NCKAP1: variants seen among roughly 807,000 people sequenced by gnomAD.
The protein encoded by NCKAP1 is nck-associated protein 1.
A neutral mutation model predicts 151.2 loss-of-function variants in NCKAP1; 21 were observed. The ratio of observed to expected loss-of-function variants is 0.14; its 90% CI spans 0.10 to 0.20. The LOEUF (loss-of-function observed/expected upper bound fraction) is 0.20, where lower values mean the gene tolerates loss of function less well. Ranked by LOEUF, NCKAP1 falls within the 10% of genes least tolerant of loss-of-function variation. The probability of loss-of-function intolerance (pLI) is 1.00; values close to 1 mark genes in which losing one functional copy is unlikely to be tolerated. For missense variants in NCKAP1, 933 were observed against 1,352.1 expected, an observed-to-expected ratio of 0.69 and a Z score of 4.86; for synonymous variants, 484 against 451.8, an observed-to-expected ratio of 1.07 and a Z score of -0.90.
intron 23 of NCKAP1, among the ~76,000 whole-genome samples, chr2:182,947,693 C>G (rs1044597058): frequency 2.6e-5 from 4 of 152,066 alleles, no homozygotes; most frequent in Non-Finnish European, 4.4e-5. Context: ...TCTGTAAGTT[C>G]TTTTGTTCCT....
intron 8 of NCKAP1, among the ~76,000 whole-genome samples, chr2:182,991,625 C>A (rs891385295): frequency 4.6e-5 from 7 of 151,068 alleles, no homozygotes; most frequent in African/African-American, 1.5e-4. Context: ...TTAAACTACA[C>A]ATCAATCTCC....
intron 1 of NCKAP1, among the ~76,000 whole-genome samples, chr2:183,026,919 T>C (rs1326609541): frequency 6.6e-6 from 1 of 152,244 alleles, no homozygotes; most frequent in Non-Finnish European, 1.5e-5. Flanking sequence ...ATAGTAATCA[T>C]AGTAACAGTC....
intron 2 of NCKAP1, among the ~76,000 whole-genome samples, chr2:183,015,888 A>C (rs954179501): frequency 6.6e-6 from 1 of 151,990 alleles, no homozygotes; most frequent in Non-Finnish European, 1.5e-5. Context: ...TAAAAAAAAA[A>C]AACTATATTA....
intron 23 of NCKAP1, among the ~76,000 whole-genome samples, chr2:182,951,305 A>G (rs1217960097): frequency 6.6e-6 from 1 of 152,148 alleles, no homozygotes; most frequent in African/African-American, 2.4e-5. Context: ...CAGATTAACC[A>G]CATTTAGAAC....
rs1018624589 is a variant in NCKAP1, at chr2:182,911,824, A to G, written c.*13878T>C. 8 of 151,900 alleles carry G rather than the reference A, an allele frequency of 5.3e-5. No homozygotes were observed. The highest frequency in any genetic ancestry group is 1.7e-4 in the African/African-American group (7 of 41,402). The allele number at this position is 151,900 out of a possible 1,614,324, so 9.4% of individuals were successfully genotyped here. A position where few individuals can be genotyped will look rare whatever the true frequency, so the allele number is the denominator to read the frequency against. On this transcript the variant is annotated 3_prime_UTR_variant, in exon 31 of 31. Transcript: ENST00000361354. ...TTATAATTGCCTCAACAAATTCAAG[A>G]TGGTTATACTTTTTAAAAAAGTTTT...
chr2:182,948,488 A>AT (rs1378166551), intron 23 of NCKAP1, among the ~76,000 whole-genome samples: 1 of 152,218 alleles, frequency 6.6e-6, no homozygotes, highest in Non-Finnish European at 1.5e-5. Context: ...ATGTTAAAAC[A>AT]TAAGCACCTT....
At chr2:183,033,549 A>C (rs1219213469) in intron 1 of NCKAP1, among the ~76,000 whole-genome samples, 3 of 152,238 alleles carry the variant, frequency 2.0e-5, no homozygotes, top group Non-Finnish European at 4.4e-5. Context: ...ACTTCATCTT[A>C]ATTTACCTCT....
At chr2:182,985,812 A>T (rs1698045126) in intron 10 of NCKAP1, among the ~76,000 whole-genome samples, 1 of 151,970 alleles carries the variant, frequency 6.6e-6, no homozygotes. Flanking sequence ...AAAAAAAAAA[A>T]AAAAAAGTAA....
chr2:183,004,516 ACAG>A (rs1698432320), intron 2 of NCKAP1, among the ~76,000 whole-genome samples: 1 of 149,658 alleles, frequency 6.7e-6, no homozygotes, highest in South Asian at 2.1e-4. Context: ...AACAGCAAGC[ACAG>A]CAGTCTGGAA....
At chr2:183,006,686 G>A (rs1310902797) in intron 2 of NCKAP1, among the ~76,000 whole-genome samples, 1 of 152,158 alleles carries the variant, frequency 6.6e-6, no homozygotes, top group Non-Finnish European at 1.5e-5. Context: ...GTGAGGGAGA[G>A]TAGATACTAC....
intron 1 of NCKAP1, among the ~76,000 whole-genome samples, chr2:183,035,718 T>C (rs1575077610): frequency 6.6e-6 from 1 of 152,166 alleles, no homozygotes; most frequent in African/African-American, 2.4e-5. Flanking sequence ...GACAATTCTA[T>C]AGGCTGAAAG....
chr2:182,985,212 CTTCCTGTGGTTTTATAGTT>C (rs1178129355), intron 10 of NCKAP1, among the ~76,000 whole-genome samples: 5 of 152,184 alleles, frequency 3.3e-5, no homozygotes, highest in Non-Finnish European at 7.3e-5. Flanking sequence ...AATTTTAAAA[CTTCCTGTGGTTTTATAGTT>C]TTCGCTATGG....
At chr2:182,967,526 T>C (rs959256173) in intron 15 of NCKAP1, among the ~76,000 whole-genome samples, 165 bp from the exon 16 acceptor site, 1 of 152,184 alleles carries the variant, frequency 6.6e-6, no homozygotes, top group East Asian at 1.9e-4. Flanking sequence ...TACCTTGAAA[T>C]TCCTATCAAG....
rs1371098120 is a variant in NCKAP1, at chr2:182,922,441, AGCCCATAAG to A, written c.*3252_*3260del. On this transcript the variant is annotated 3_prime_UTR_variant, in exon 31 of 31. Coordinates refer to ENST00000361354, the MANE Select transcript of NCKAP1 (RefSeq NM_013436.5). ...GATCAGAAGAGAAAAAGAGCTAGAT[AGCCCATAAG>A]GCTCCTAGAGGGAACTTGAGCACTC... 6.6e-6 allele frequency: 1 copy of A among 152,260 alleles called. No individual in the cohort carries two copies. The highest frequency in any genetic ancestry group is 1.5e-5 in the Non-Finnish European group (1 of 68,064). The allele number at this position is 152,260 out of a possible 1,614,324, so 9.4% of individuals were successfully genotyped here.
At chr2:182,973,872 T>C (rs541666666) in intron 15 of NCKAP1, among the ~76,000 whole-genome samples, 4 of 152,316 alleles carry the variant, frequency 2.6e-5, no homozygotes, top group Non-Finnish European at 4.4e-5. Flanking sequence ...ACTTGAAAAA[T>C]GCTTTATCCC....
At chr2:182,969,529 C>G (rs1697643496) in intron 15 of NCKAP1, among the ~76,000 whole-genome samples, 1 of 148,594 alleles carries the variant, frequency 6.7e-6, no homozygotes, top group Admixed American at 6.7e-5. Context: ...CGGAAACTAA[C>G]ATATGGAAAT....
chr2:182,929,762 G>GAAA (rs57842206), intron 27 of NCKAP1, among the ~76,000 whole-genome samples: 1 of 132,104 alleles, frequency 7.6e-6, no homozygotes, highest in Non-Finnish European at 1.7e-5. Context: ...ATTGTTAAAT[G>GAAA]AAAAAAAAAA....
intron 1 of NCKAP1, 101 bp from the exon 2 acceptor site, chr2:183,024,017 T>C (rs1291220814): frequency 1.1e-6 from 1 of 937,394 alleles, no homozygotes; most frequent in Non-Finnish European, 1.6e-6. Flanking sequence ...TTATTGTTTT[T>C]GGTGAGCAGG....
At chr2:182,978,764 T>G (rs979726177) in intron 14 of NCKAP1, 70 bp downstream of exon 14, 2 of 884,288 alleles carry the variant, frequency 2.3e-6, no homozygotes, top group African/African-American at 3.4e-5. Context: ...ATTGGTAAAT[T>G]ATCTCCTTAA....
Sources: allele counts gnomAD v4.1 joint callset (sites outside exome capture counted in the v4.1 genomes callset), GRCh38; gene constraint gnomAD v4.1.1; transcripts MANE v1.5; gene names NCBI Gene and HGNC (gene_info 2026-07-23, HGNC 2026-07-21).